The following ITPR2 variants were observed in gnomAD, a reference collection of about 807,000 sequenced individuals.
ITPR2 encodes the protein inositol 1,4,5-trisphosphate-gated calcium channel ITPR2.
A neutral mutation model predicts 317.1 loss-of-function variants in ITPR2; 207 were observed. The ratio of observed to expected loss-of-function variants is 0.65; its 90% CI spans 0.58 to 0.73. The LOEUF (loss-of-function observed/expected upper bound fraction) is 0.73, where lower values mean the gene tolerates loss of function less well. ITPR2 is among the 30% of genes least tolerant of loss of function. The pLI is 0.00. For synonymous variants in ITPR2, 1,156 were observed against 1,149.1 expected, an observed-to-expected ratio of 1.01 and a Z score of -0.12; for missense variants, 2,613 against 3,284.0, an observed-to-expected ratio of 0.80 and a Z score of 4.99.
chr12:26,811,060 A>G, intron 1 of ITPR2, among the ~76,000 whole-genome samples: 1 of 137,540 alleles, frequency 7.3e-6, no homozygotes, highest in Non-Finnish European at 1.6e-5. Flanking sequence ...AAAAAAAAAA[A>G]CAGAAAGATA....
At chr12:26,367,053 T>C (rs568035448) in intron 55 of ITPR2, among the ~76,000 whole-genome samples, 3 of 152,232 alleles carry the variant, frequency 2.0e-5, no homozygotes, top group Non-Finnish European at 2.9e-5. Context: ...TCTTGATCTA[T>C]TGAATTCTAC....
intron 2 of ITPR2, among the ~76,000 whole-genome samples, chr12:26,751,549 T>G (rs1949418441): frequency 6.6e-6 from 1 of 152,136 alleles, no homozygotes; most frequent in Non-Finnish European, 1.5e-5. Flanking sequence ...CATCTGTGCT[T>G]GAAATATCAA....
intron 48 of ITPR2, among the ~76,000 whole-genome samples, chr12:26,433,731 G>T (rs945896462): frequency 6.6e-6 from 1 of 152,046 alleles, no homozygotes; most frequent in African/African-American, 2.4e-5. Flanking sequence ...GACGACCCAG[G>T]GAATTCTGAG....
At chr12:26,785,360 G>A (rs1950210597) in intron 2 of ITPR2, among the ~76,000 whole-genome samples, 1 of 46,450 alleles carries the variant, frequency 2.2e-5, no homozygotes, top group African/African-American at 5.4e-5. Context: ...GGGCGCCTCT[G>A]CCCGGCCGCC....
intron 55 of ITPR2, among the ~76,000 whole-genome samples, chr12:26,354,257 G>T (rs901855611): frequency 1.2e-5 from 1 of 81,912 alleles, no homozygotes; most frequent in Non-Finnish European, 2.5e-5. Context: ...CTGGGCAACA[G>T]AGCCAGACTC....
intron 50 of ITPR2, among the ~76,000 whole-genome samples, chr12:26,416,037 A>T (rs1470599981): frequency 2.0e-5 from 3 of 152,228 alleles, no homozygotes; most frequent in South Asian, 4.1e-4. Context: ...CCGGAAAAGT[A>T]TGAAATATAA....
intron 37 of ITPR2, among the ~76,000 whole-genome samples, chr12:26,509,824 C>T (rs1565569832): frequency 6.6e-6 from 1 of 152,008 alleles, no homozygotes; most frequent in African/African-American, 2.4e-5. Flanking sequence ...CCTCACACTA[C>T]TTGATGTGTA....
chr12:26,711,102 T>C, intron 9 of ITPR2, 71 bp downstream of exon 9: 3 of 967,254 alleles, frequency 3.1e-6, no homozygotes, highest in Non-Finnish European at 5.0e-6. Context: ...CGATGTCTTG[T>C]GGCGAACCCA....
At chr12:26,424,146 C>T (rs1940975145) in intron 49 of ITPR2, among the ~76,000 whole-genome samples, 1 of 152,206 alleles carries the variant, frequency 6.6e-6, no homozygotes, top group Non-Finnish European at 1.5e-5. Flanking sequence ...TGTATTATTA[C>T]AGATAGTTGG....
chr12:26,787,259 A>G lies in ITPR2; in HGVS notation c.163+2898T>C, dbSNP rs146025686. ...CAGAACCCTGAGTTCCCAATAGGAA[A>G]GAACCCTCCTTTTCCAGTGATGATT... On this transcript the variant is annotated intron_variant, in intron 2 of 56. Transcript: ENST00000381340. Among the ~76,000 whole-genome samples the G allele has an allele frequency of 3.3e-5, 5 of 152,366 alleles. No individual in the cohort carries two copies. The East Asian group carries it at 9.6e-4, about 29-fold the overall frequency.
chr12:26,462,090 T>A (rs1249631306), intron 45 of ITPR2, among the ~76,000 whole-genome samples: 2 of 152,090 alleles, frequency 1.3e-5, no homozygotes, highest in East Asian at 1.9e-4. Flanking sequence ...AGCTGAGCAA[T>A]CTCATCACAT....
chr12:26,654,517 G>C (rs548580476), intron 20 of ITPR2, among the ~76,000 whole-genome samples: 1 of 152,122 alleles, frequency 6.6e-6, no homozygotes, highest in East Asian at 1.9e-4. Flanking sequence ...ATGCTGCTTT[G>C]TGGTCTTGTG....
intron 48 of ITPR2, among the ~76,000 whole-genome samples, chr12:26,435,955 A>G (rs2136719682): frequency 6.6e-6 from 1 of 152,320 alleles, no homozygotes; most frequent in Admixed American, 6.5e-5. Context: ...GGGTCATAAT[A>G]ATTAGGTAGA....
chr12:26,497,143 T>G (rs1489628560), intron 37 of ITPR2, among the ~76,000 whole-genome samples: 4 of 149,404 alleles, frequency 2.7e-5, no homozygotes, highest in Non-Finnish European at 4.4e-5. Context: ...AACCATGTGA[T>G]CATTTCTCTC....
At chr12:26,654,155 G>C in intron 20 of ITPR2, 29 bp from the exon 21 acceptor site, 1 of 1,520,852 alleles carries the variant, frequency 6.6e-7, no homozygotes, top group African/African-American at 1.4e-5. Context: ...GCGGGGAGGG[G>C]GAGGGTGAAA....
chr12:26,627,376 G>A (rs1946644192), intron 23 of ITPR2: 1 of 152,226 alleles, frequency 6.6e-6, no homozygotes, highest in Non-Finnish European at 1.5e-5. Flanking sequence ...AGACCTCAGA[G>A]AGAATCCTTG....
At chr12:26,496,355 T>C (rs143163999) in intron 37 of ITPR2, among the ~76,000 whole-genome samples, 31 of 152,334 alleles carry the variant, frequency 2.0e-4, no homozygotes, top group African/African-American at 7.5e-4. Flanking sequence ...TAGCTCTCAT[T>C]GCTCATTCAC....
At chr12:26,812,083 A>G (rs1165447895) in intron 1 of ITPR2, among the ~76,000 whole-genome samples, 1 of 150,260 alleles carries the variant, frequency 6.7e-6, no homozygotes, top group Admixed American at 6.6e-5. Context: ...GAATCACTTC[A>G]TCCCGGGAGG....
chr12:26,524,876 G>A (rs751876237), intron 37 of ITPR2, among the ~76,000 whole-genome samples: 4 of 152,192 alleles, frequency 2.6e-5, no homozygotes, highest in Non-Finnish European at 5.9e-5. Context: ...AAATGTGACT[G>A]TTACTGTAAC....
Sources: gnomAD v4.1 joint callset for allele counts (sites outside exome capture counted in the v4.1 genomes callset) on GRCh38, gnomAD v4.1.1 for gene constraint, MANE v1.5 for transcripts, NCBI Gene and HGNC (gene_info 2026-07-23, HGNC 2026-07-21) for gene names.